The following MAPK8IP3 variants were observed in gnomAD, a reference collection of about 807,000 sequenced individuals.
MAPK8IP3 encodes the protein mitogen-activated protein kinase 8 interacting protein 3.
In MAPK8IP3, 49 loss-of-function variants were observed where a neutral mutation model predicts 157.8. The ratio of observed to expected loss-of-function variants is 0.31; its 90% CI spans 0.25 to 0.39. The LOEUF (loss-of-function observed/expected upper bound fraction) is 0.39. MAPK8IP3 is among the 10% of genes least tolerant of loss of function. The pLI is 1.00. For synonymous variants in MAPK8IP3, 897 were observed against 777.7 expected (o/e 1.15, Z -2.55); for missense variants, 1,478 against 1,889.4 (o/e 0.78, Z 4.04).
Position 1,766,206 on chromosome 16 carries a change from C to G in MAPK8IP3, c.2630-14C>G, listed in dbSNP as rs1475976116. On this transcript the variant is annotated splice_polypyrimidine_tract_variant and intron_variant, in intron 21 of 31. Transcript: ENST00000610761. The stretch of plus-strand genomic sequence containing the variant: ...ACGTTTCTGCCCAGCCCAAGCTCAC[C>G]TCTCCTAACACAGGGGAGGTGGCCA... The G allele has an allele frequency of 3.7e-6, 6 of 1,604,852 alleles. No individual in the cohort carries two copies. The African/African-American group carries it at 5.3e-5, about 14-fold the overall frequency.
At chr16:1,766,453 AGGTGGGAAGG>A in intron 22 of MAPK8IP3, 44 bp downstream of exon 22, 1 of 1,603,058 alleles carries the variant, frequency 6.2e-7, no homozygotes, top group Non-Finnish European at 8.5e-7. Context: ...AGGCTTGCAG[AGGTGGGAAGG>A]GCCTCGGGGT....
At chr16:1,708,087 C>T (rs2037517347) in intron 1 of MAPK8IP3, 3 of 152,248 alleles carry the variant, frequency 2.0e-5, no homozygotes, top group South Asian at 2.1e-4. Flanking sequence ...TGAGTTAAAG[C>T]TCTCAACCTA....
chr16:1,736,997 C>T (rs554651041), intron 4 of MAPK8IP3, among the ~76,000 whole-genome samples: 15 of 57,796 alleles, frequency 2.6e-4, no homozygotes, highest in Non-Finnish European at 3.2e-4. Flanking sequence ...TCCGTGTGAG[C>T]GTGTGACCGT....
intron 4 of MAPK8IP3, among the ~76,000 whole-genome samples, chr16:1,738,619 A>G (rs2040287474): frequency 1.8e-5 from 2 of 114,248 alleles, no homozygotes; most frequent in Admixed American, 9.7e-5. Flanking sequence ...CGTCCGTGTG[A>G]GCATCGGTGT....
intron 1 of MAPK8IP3, among the ~76,000 whole-genome samples, chr16:1,719,259 G>A (rs2038357238): frequency 6.6e-6 from 1 of 151,868 alleles, no homozygotes; most frequent in Non-Finnish European, 1.5e-5. Context: ...GTGAGCCACT[G>A]TGCCCAGCCT....
chr16:1,733,653 C>T (rs1451011931), intron 4 of MAPK8IP3, among the ~76,000 whole-genome samples: 1 of 152,216 alleles, frequency 6.6e-6, no homozygotes, highest in Admixed American at 6.5e-5. Context: ...CTCGTCCTGG[C>T]GCCGAGAGTT....
Position 1,769,175 on chromosome 16 carries a change from A to C in MAPK8IP3, c.*351A>C. 1 of 281,618 alleles carries C rather than the reference A, an allele frequency of 3.6e-6. No individual in the cohort carries two copies. Among genetic ancestry groups the C allele is most frequent in the Middle Eastern group, 1.1e-3 (1 of 880 alleles). The allele number at this position is 281,618 out of a possible 1,614,324, so 17.4% of individuals were successfully genotyped here. ...TACCCTGGGCCTCCTACTCCCCAGC[A>C]CCCCTGGAGGAGGCAGGGGCTCCCC... is the stretch of plus-strand genomic sequence containing the variant. On this transcript the variant is annotated 3_prime_UTR_variant, in exon 32 of 32. Coordinates refer to ENST00000610761, the MANE Select transcript of MAPK8IP3 (RefSeq NM_001318852.2).
chr16:1,762,263 C>T, intron 13 of MAPK8IP3, 88 bp from the exon 14 acceptor site: 2 of 1,439,790 alleles, frequency 1.4e-6, no homozygotes, highest in Non-Finnish European at 1.8e-6. Flanking sequence ...GCACTGAGAT[C>T]CACCTATACG....
chr16:1,719,304 G>GC (rs1347225209), intron 1 of MAPK8IP3, among the ~76,000 whole-genome samples: 5 of 152,030 alleles, frequency 3.3e-5, no homozygotes, highest in African/African-American at 7.2e-5. Context: ...AAAAAAAATG[G>GC]CCCCTTCCTA....
chr16:1,757,844 C>T (rs2041701989), intron 8 of MAPK8IP3, among the ~76,000 whole-genome samples: 2 of 152,198 alleles, frequency 1.3e-5, no homozygotes, highest in South Asian at 4.1e-4. Flanking sequence ...ATGGGGGCTG[C>T]GGGGGGCCTG....
chr16:1,761,123 A>G, intron 12 of MAPK8IP3, 101 bp from the exon 13 acceptor site: 1 of 936,322 alleles, frequency 1.1e-6, no homozygotes, highest in Non-Finnish European at 1.8e-6. Flanking sequence ...CCAGCCCTGC[A>G]CAGAGGCAAG....
intron 4 of MAPK8IP3, among the ~76,000 whole-genome samples, chr16:1,739,486 A>ATC (rs200667067): frequency 0.081 from 3,952 of 48,788 alleles, 779 homozygotes; most frequent in East Asian, 0.16. Context: ...CCGTGTGAGC[A>ATC]TGTGTGACCG....
chr16:1,752,620 C>T lies in MAPK8IP3; in HGVS notation c.1216+3900C>T, dbSNP rs917877062. ...AAAATTAGGCAGGCATGGTGGTGTG[C>T]ACCTGTAAGTCCCAGCTACTTGGGA... On this transcript the variant is annotated intron_variant, in intron 8 of 31. Transcript: ENST00000610761. 15 of 260,056 alleles carry T rather than the reference C, an allele frequency of 5.8e-5. No homozygotes were observed. The Admixed American group carries it at 7.8e-4, about 14-fold the overall frequency. The allele number at this position is 260,056 out of a possible 1,614,324, so 16.1% of individuals were successfully genotyped here.
intron 2 of MAPK8IP3, among the ~76,000 whole-genome samples, chr16:1,725,737 G>T (rs971370224): frequency 6.6e-6 from 1 of 151,972 alleles, no homozygotes; most frequent in Non-Finnish European, 1.5e-5. Context: ...CGCTGTTTTT[G>T]CCCAGGCTGG....
rs1379513099 is a variant in MAPK8IP3 at position 1,765,987 on chromosome 16, G to A, written c.2474G>A (p.Gly825Glu). The A allele has an allele frequency of 6.2e-7, 1 of 1,612,610 alleles. No individual in the cohort carries two copies. Among genetic ancestry groups the A allele is most frequent in the Non-Finnish European group, 8.5e-7 (1 of 1,179,858 alleles). Residue 825 changes from glycine (G) to glutamate (E), a missense_variant, in exon 21 of 32, where the codon GGG (glycine) becomes GAG (glutamate). Gly to Glu is a moderately conservative substitution (Grantham distance 98, BLOSUM62 -2). This residue lies in a region of MAPK8IP3 where 669 missense variants were observed against 759.8 expected (regional missense o/e 0.88). Transcript: ENST00000610761. The part of the protein sequence containing the change: ...PAASDSDYPP[G>E]EMFLDSDVNP... ...GCCAGCGACAGCGACTACCCTCCCG[G>A]GGAGATGTTCCTGGACAGCGACGTG... is the stretch of plus-strand genomic sequence containing the variant.
rs576189576 is a variant in MAPK8IP3 at position 1,733,649 on chromosome 16, C to G, written c.602+4071C>G. On this transcript the variant is annotated intron_variant, in intron 4 of 31. Coordinates refer to ENST00000610761, the MANE Select transcript of MAPK8IP3 (RefSeq NM_001318852.2). ...CGCCGCCCCCGTCCCTTGGCTCGTC[C>G]TGGCGCCGAGAGTTCAGTGGGAAGC... Among the ~76,000 whole-genome samples, 4 of 152,378 alleles carry G rather than the reference C, an allele frequency of 2.6e-5. No homozygotes were observed. In the South Asian group the frequency reaches 6.2e-4, roughly 24 times the overall value.
At position 1,768,581 on chromosome 16, in the gene MAPK8IP3, G is replaced by A. The variant is rs747724204; in HGVS notation, c.3847G>A (p.Val1283Met). 1.6e-5 allele frequency: 25 copies of A among 1,592,012 alleles called. No individual in the cohort carries two copies. Among genetic ancestry groups the A allele is most frequent in the East Asian group, 4.6e-5 (2 of 43,948 alleles). Residue 1283 changes from valine to methionine, a missense_variant, in exon 31 of 32, where the codon GTG (valine) becomes ATG (methionine). Coordinates refer to ENST00000610761, the MANE Select transcript of MAPK8IP3 (RefSeq NM_001318852.2). ...SEVEGQKLRNVLVLSGGEGYI... is the reference protein window; with the variant it reads ...SEVEGQKLRNMLVLSGGEGYI... ...GGTCGAGGGCCAGAAGCTGCGGAAC[G>A]TGCTGGTGCTGAGCGGCGGGGAGGG... is the stretch of plus-strand genomic sequence containing the variant.
chr16:1,763,352 G>A (rs1315106960), intron 16 of MAPK8IP3, among the ~76,000 whole-genome samples: 1 of 152,268 alleles, frequency 6.6e-6, no homozygotes, highest in African/African-American at 2.4e-5. Context: ...TGCCCCGGCG[G>A]CACTCCAGGT....
intron 1 of MAPK8IP3, among the ~76,000 whole-genome samples, chr16:1,717,858 CT>C (rs36008436): frequency 2.0e-4 from 29 of 147,608 alleles, no homozygotes; most frequent in Admixed American, 2.0e-4. Context: ...TCTTGGTTCT[CT>C]TTTTTTTTTT....
Sources: allele counts gnomAD v4.1 joint callset (sites outside exome capture counted in the v4.1 genomes callset), GRCh38; gene constraint gnomAD v4.1.1; regional missense constraint gnomAD v4.1.1; transcripts MANE v1.5; gene names NCBI Gene and HGNC (gene_info 2026-07-23, HGNC 2026-07-21).